POU2F2: variants seen among roughly 807,000 people sequenced by gnomAD.
The protein encoded by POU2F2 is POU class 2 homeobox 2.
POU2F2 carries 14 observed loss-of-function variants against 63.5 expected under a neutral mutation model. That is an observed-to-expected ratio of 0.22 (90% confidence interval 0.15 to 0.34). The LOEUF (loss-of-function observed/expected upper bound fraction) is 0.34. Among genes scored for constraint, POU2F2 ranks in the 10% least tolerant of loss-of-function variants. The pLI is 1.00. For missense variants in POU2F2, 607 were observed against 815.2 expected, an observed-to-expected ratio of 0.74 and a Z score of 3.11; for synonymous variants, 306 against 348.6, an observed-to-expected ratio of 0.88 and a Z score of 1.36.
intron 1 of POU2F2, among the ~76,000 whole-genome samples, chr19:42,124,303 CA>C (rs1249716927): frequency 3.0e-3 from 134 of 44,256 alleles, no homozygotes; most frequent in Middle Eastern, 0.021. Flanking sequence ...GACCCTGTCT[CA>C]AAAAAAAAAA....
intron 2 of POU2F2, among the ~76,000 whole-genome samples, chr19:42,147,580 G>A (rs2034257678): frequency 6.6e-6 from 1 of 152,224 alleles, no homozygotes; most frequent in South Asian, 2.1e-4. Context: ...TGGGCACATA[G>A]TGGGTGCTCA....
chr19:42,140,886 CAAACCCAAGTGG>C (rs2034113882), intron 2 of POU2F2, among the ~76,000 whole-genome samples: 1 of 152,198 alleles, frequency 6.6e-6, no homozygotes, highest in Non-Finnish European at 1.5e-5. Flanking sequence ...GCTGGCTCTC[CAAACCCAAGTGG>C]ATATGGTGCC....
At chr19:42,097,897 C>T (rs779889261) in intron 7 of POU2F2, among the ~76,000 whole-genome samples, 2 of 152,158 alleles carry the variant, frequency 1.3e-5, no homozygotes, top group Non-Finnish European at 2.9e-5. Context: ...TTAGTGTATC[C>T]ATCACCCAAA....
Position 42,087,072 on chromosome 19 carries a change from A to T in POU2F2, c.*4185T>A, listed in dbSNP as rs957830618. The T allele has an allele frequency of 6.2e-4, 90 of 145,110 alleles. 1 individual carries two copies. The highest frequency in any genetic ancestry group is 2.1e-3 in the African/African-American group (81 of 39,144). The allele number at this position is 145,110 out of a possible 1,614,324, so 9.0% of individuals were successfully genotyped here. A position where few individuals can be genotyped will look rare whatever the true frequency, so the allele number is the denominator to read the frequency against. On this transcript the variant is annotated 3_prime_UTR_variant, in exon 15 of 15. Transcript: ENST00000692977. ...TTGGAGTTTTTGTGTATTTTTTTTTATTTTTATTTTTAATTTTTTTTCACT... is the reference window on the plus strand; with the variant it reads ...TTGGAGTTTTTGTGTATTTTTTTTTTTTTTTATTTTTAATTTTTTTTCACT...
intron 1 of POU2F2, among the ~76,000 whole-genome samples, chr19:42,131,123 C>T (rs1457740853): frequency 9.9e-6 from 1 of 101,128 alleles, no homozygotes; most frequent in Admixed American, 1.1e-4. Flanking sequence ...TCTGCCTGGG[C>T]CTCCCCCATC....
At chr19:42,134,794 A>ACACGCGGGCCCCATTGCT (rs2033965237), upstream of POU2F2, among the ~76,000 whole-genome samples, 1 of 152,122 alleles carries the variant, frequency 6.6e-6, no homozygotes, top group South Asian at 2.1e-4. Flanking sequence ...CTGGTAACTG[A>ACACGCGGGCCCCATTGCT]CACGCGGGCC....
At chr19:42,099,878 T>C in intron 5 of POU2F2, 57 bp from the exon 6 acceptor site, 1 of 1,390,776 alleles carries the variant, frequency 7.2e-7, no homozygotes, top group Non-Finnish European at 1.0e-6. Context: ...GGTTTCATCC[T>C]CTCTGCATCA....
chr19:42,097,174 A>G (rs1381490221), intron 7 of POU2F2, among the ~76,000 whole-genome samples: 2 of 148,116 alleles, frequency 1.4e-5, no homozygotes, highest in Non-Finnish European at 3.0e-5. Flanking sequence ...GCTGGGGCAG[A>G]TGTTTAGGAA....
At position 42,088,913 on chromosome 19, in the gene POU2F2, C is replaced by G. The variant is rs1220967675; in HGVS notation, c.*2344G>C. The G allele has an allele frequency of 1.3e-5, 2 of 152,656 alleles. No homozygotes were observed. Among genetic ancestry groups the G allele is most frequent in the Non-Finnish European group, 2.9e-5 (2 of 68,072 alleles). The allele number at this position is 152,656 out of a possible 1,614,324, so 9.5% of individuals were successfully genotyped here. ...GCAATGGCCGAGTCTCTGCTGCCTC[C>G]GTCGCCCAGCCCAACAGTTTCATTT... On this transcript the variant is annotated 3_prime_UTR_variant, in exon 15 of 15. Coordinates refer to ENST00000692977, the MANE Select transcript of POU2F2 (RefSeq NM_001394376.1).
rs1292565238 is a variant in POU2F2 at position 42,089,086 on chromosome 19, C to G, written c.*2171G>C. 1 of 152,726 alleles carries G rather than the reference C, an allele frequency of 6.5e-6. No individual in the cohort carries two copies. Among genetic ancestry groups the G allele is most frequent in the Non-Finnish European group, 1.5e-5 (1 of 68,092 alleles). 9.5% of individuals were successfully genotyped at this position (152,726 alleles called of 1,614,324 possible). On this transcript the variant is annotated 3_prime_UTR_variant, in exon 15 of 15. Coordinates refer to ENST00000692977, the MANE Select transcript of POU2F2 (RefSeq NM_001394376.1). ...GGCTCTCCTCTCTCTCTGCTCCTGC[C>G]CAACAAGGGGCAGGGGCCACACTAC...
At chr19:42,195,761 C>T (rs1310520685) in intron 1 of POU2F2, among the ~76,000 whole-genome samples, 1 of 127,902 alleles carries the variant, frequency 7.8e-6, no homozygotes, top group East Asian at 2.8e-4. Context: ...TGCCTTTCTT[C>T]CTCCCTCCCT....
chr19:42,147,359 C>A (rs1406601465), intron 2 of POU2F2, among the ~76,000 whole-genome samples: 1 of 152,180 alleles, frequency 6.6e-6, no homozygotes, highest in Non-Finnish European at 1.5e-5. Flanking sequence ...CCATTAAATC[C>A]TACTCGTCTT....
At chr19:42,114,515 C>T (rs546501800) in intron 5 of POU2F2, among the ~76,000 whole-genome samples, 3 of 152,184 alleles carry the variant, frequency 2.0e-5, no homozygotes, top group South Asian at 4.2e-4. Context: ...AAGCCCTTGG[C>T]GTTGCTCAGT....
rs780088062 is a variant in POU2F2 at position 42,095,272 on chromosome 19, C to T, written c.1197+14G>A. ...CTCTGTGGTCTCCCCACCCCCCAGG[C>T]GGGCTCTTGGTACCATATGGGGGCT... On this transcript the variant is annotated intron_variant, in intron 11 of 14. Coordinates refer to ENST00000692977, the MANE Select transcript of POU2F2 (RefSeq NM_001394376.1). The surrounding 1 kb of genome is among the most constrained non-coding windows in gnomAD (Gnocchi z 7.1). 1.9e-6 allele frequency: 3 copies of T among 1,607,898 alleles called. No individual in the cohort carries two copies. The East Asian group carries it at 6.7e-5, about 36-fold the overall frequency.
chr19:42,176,800 G>A (rs2034891299), upstream of POU2F2, among the ~76,000 whole-genome samples: 1 of 151,696 alleles, frequency 6.6e-6, no homozygotes, highest in Non-Finnish European at 1.5e-5. Flanking sequence ...CGAGAGGGCC[G>A]GGGCCGCGGC....
At chr19:42,147,873 C>T (rs948012038) in intron 2 of POU2F2, among the ~76,000 whole-genome samples, 7 of 152,112 alleles carry the variant, frequency 4.6e-5, no homozygotes, top group African/African-American at 1.7e-4. Flanking sequence ...TATCAGGTGA[C>T]ATTGTGTTTT....
chr19:42,121,944 G>A, intron 4 of POU2F2, 182 bp downstream of exon 4: 1 of 654,326 alleles, frequency 1.5e-6, no homozygotes, highest in East Asian at 2.8e-5. Flanking sequence ...CTAGGGAAGG[G>A]GAAGGAGCCT....
At chr19:42,157,127 G>A (rs982951182) in intron 2 of POU2F2, 3 of 152,244 alleles carry the variant, frequency 2.0e-5, no homozygotes, top group Non-Finnish European at 4.4e-5. Context: ...ATACCCAGGG[G>A]ACTGTAGCTG....
chr19:42,095,145 C>T lies in POU2F2; in HGVS notation c.1197+141G>A. 1 of 1,091,592 alleles carries T rather than the reference C, an allele frequency of 9.2e-7. No individual in the cohort carries two copies. The highest frequency in any genetic ancestry group is 1.3e-6 in the Non-Finnish European group (1 of 785,082). 67.6% of individuals were successfully genotyped at this position (1,091,592 alleles called of 1,614,324 possible). On this transcript the variant is annotated intron_variant, in intron 11 of 14. Coordinates refer to ENST00000692977, the MANE Select transcript of POU2F2 (RefSeq NM_001394376.1). This position sits in a 1 kb window ranked among gnomAD's most constrained non-coding sequence, Gnocchi z 7.1. ...GGAAACCGTCCCTGTGTAACTGTGCCCATCTACGTGATGGCCTGTCTCCAA... is the reference window on the plus strand; with the variant it reads ...GGAAACCGTCCCTGTGTAACTGTGCTCATCTACGTGATGGCCTGTCTCCAA...
Sources: allele counts gnomAD v4.1 joint callset (sites outside exome capture counted in the v4.1 genomes callset), GRCh38; gene constraint gnomAD v4.1.1; non-coding constraint Gnocchi (gnomAD v3.1); transcripts MANE v1.5; gene names NCBI Gene and HGNC (gene_info 2026-07-23, HGNC 2026-07-21).